Variants in MARCHF10 observed in about 807,000 individuals in gnomAD.
MARCHF10 encodes probable E3 ubiquitin-protein ligase MARCHF10.
Under a neutral mutation model 76.2 loss-of-function variants are expected in MARCHF10, and 64 were observed. The ratio of observed to expected loss-of-function variants is 0.84; its 90% CI spans 0.69 to 1.03. MARCHF10 has a LOEUF of 1.03. MARCHF10 is among the 50% of genes least tolerant of loss of function. The pLI is 0.00. For missense variants in MARCHF10, 875 were observed against 958.0 expected (o/e 0.91, Z 1.14); for synonymous variants, 340 against 357.5 (o/e 0.95, Z 0.55).
intron 3 of MARCHF10, among the ~76,000 whole-genome samples, chr17:62,785,271 G>A (rs564539370): frequency 6.6e-6 from 1 of 152,234 alleles, no homozygotes; most frequent in East Asian, 1.9e-4. Context: ...AATAAGAAAT[G>A]GGGAAATAAT....
chr17:62,793,586 C>T (rs549138098), intron 2 of MARCHF10, among the ~76,000 whole-genome samples: 1 of 138,074 alleles, frequency 7.2e-6, no homozygotes, highest in Non-Finnish European at 1.6e-5. Flanking sequence ...ACAACCATCA[C>T]CACCCACCAC....
intron 4 of MARCHF10, among the ~76,000 whole-genome samples, chr17:62,752,604 C>T (rs1368996821): frequency 6.6e-6 from 1 of 150,924 alleles, no homozygotes; most frequent in African/African-American, 2.5e-5. Flanking sequence ...TTAAATGGCC[C>T]TCAAGCCCAC....
At position 62,772,065 on chromosome 17, in the gene MARCHF10, G is replaced by A. The variant is rs1434761169; in HGVS notation, c.211-12059C>T. ...ACTTGGTGACGAATTCAGTGCGGGG[G>A]GAGATGGAGAGAAAATGTCCCATTC... On this transcript the variant is annotated intron_variant, in intron 3 of 10. Coordinates refer to ENST00000311269, the MANE Select transcript of MARCHF10 (RefSeq NM_152598.4). Among the ~76,000 whole-genome samples, 2 of 152,162 alleles carry A rather than the reference G, an allele frequency of 1.3e-5. 1 individual carries two copies. Among genetic ancestry groups the A allele is most frequent in the African/African-American group, 4.8e-5 (2 of 41,434 alleles).
intron 1 of MARCHF10, among the ~76,000 whole-genome samples, chr17:62,802,255 T>C (rs1037459359): frequency 2.6e-5 from 4 of 152,162 alleles, no homozygotes; most frequent in Admixed American, 2.6e-4. Context: ...AGTTTTGCAT[T>C]TGTTGCTCAG....
At chr17:62,727,653 C>T (rs2090827445) in intron 6 of MARCHF10, among the ~76,000 whole-genome samples, 1 of 152,168 alleles carries the variant, frequency 6.6e-6, no homozygotes, top group Non-Finnish European at 1.5e-5. Flanking sequence ...ACACAAATCT[C>T]TTAAAAGACC....
intron 4 of MARCHF10, among the ~76,000 whole-genome samples, chr17:62,753,811 C>G (rs931465624): frequency 2.6e-5 from 4 of 152,182 alleles, no homozygotes; most frequent in Admixed American, 2.6e-4. Flanking sequence ...ATCCTGCTCA[C>G]CCACCAGGCT....
intron 4 of MARCHF10, among the ~76,000 whole-genome samples, chr17:62,748,372 C>G (rs1446484790): frequency 6.6e-6 from 1 of 150,982 alleles, no homozygotes; most frequent in Non-Finnish European, 1.5e-5. Flanking sequence ...ACTCCAGCCT[C>G]CAGGCCGGGC....
chr17:62,719,467 C>G (rs1269317646), intron 8 of MARCHF10, among the ~76,000 whole-genome samples: 3 of 152,110 alleles, frequency 2.0e-5, no homozygotes, highest in East Asian at 3.8e-4. Flanking sequence ...TCTCTGTCTT[C>G]TTGCTTGCAT....
chr17:62,807,376 G>A lies in MARCHF10; in HGVS notation c.-18+701C>T, dbSNP rs2093178679. 2.0e-5 allele frequency among the ~76,000 whole-genome samples: 3 copies of A among 151,958 alleles called. No homozygotes were observed. The South Asian group carries it at 6.3e-4, about 32-fold the overall frequency. On this transcript the variant is annotated intron_variant, in intron 1 of 10. Transcript: ENST00000311269. ...TGGCTTAAGAGTTGGGGGCGGGGTG[G>A]AGGGTGGGGAACAGACTTGTGTTTG...
At chr17:62,793,474 A>AC (rs2092917794) in intron 2 of MARCHF10, among the ~76,000 whole-genome samples, 1 of 123,312 alleles carries the variant, frequency 8.1e-6, no homozygotes, top group Admixed American at 8.0e-5. Flanking sequence ...CACCACCACC[A>AC]TCACCACCAC....
chr17:62,704,300 C>T (rs1472061735), intron 10 of MARCHF10, among the ~76,000 whole-genome samples: 1 of 152,024 alleles, frequency 6.6e-6, no homozygotes, highest in Non-Finnish European at 1.5e-5. Context: ...CCTCGCAGCG[C>T]CCTTCCCGGC....
At chr17:62,782,345 CTTT>C (rs10676023) in intron 3 of MARCHF10, among the ~76,000 whole-genome samples, 1 of 107,022 alleles carries the variant, frequency 9.3e-6, no homozygotes. Context: ...AACAACTGTT[CTTT>C]TTTTTTTTTT....
chr17:62,780,994 C>T (rs2092648745), intron 3 of MARCHF10: 2 of 152,154 alleles, frequency 1.3e-5, no homozygotes, highest in South Asian at 2.1e-4. Context: ...GCGGTCTCGC[C>T]GGTGCCTGGG....
intron 3 of MARCHF10, among the ~76,000 whole-genome samples, chr17:62,765,212 C>A (rs1007841188): frequency 6.6e-6 from 1 of 151,776 alleles, no homozygotes; most frequent in East Asian, 1.9e-4. Context: ...ATTAGCTGGG[C>A]GTAGTGGCAT....
chr17:62,746,922 C>T, intron 4 of MARCHF10: 1 of 1,536,176 alleles, frequency 6.5e-7, no homozygotes. Context: ...CTGCACCAGC[C>T]AGAAGGTCCT....
intron 2 of MARCHF10, among the ~76,000 whole-genome samples, chr17:62,798,363 C>A (rs541027983): frequency 1.3e-5 from 2 of 151,358 alleles, no homozygotes; most frequent in East Asian, 3.9e-4. Context: ...GAGGCTCATG[C>A]CTATAATCCC....
intron 5 of MARCHF10, chr17:62,737,651 A>G: frequency 3.3e-6 from 1 of 303,100 alleles, no homozygotes; most frequent in Admixed American, 5.2e-5. Context: ...CCTCACACTA[A>G]ATACTGGCTT....
chr17:62,789,085 A>C (rs1401018988), intron 2 of MARCHF10, among the ~76,000 whole-genome samples: 3 of 150,864 alleles, frequency 2.0e-5, no homozygotes, highest in East Asian at 1.9e-4. Context: ...AAAAAAAAAA[A>C]AAAAAAAAAC....
At position 62,702,682 on chromosome 17, in the gene MARCHF10, A is replaced by G. The variant is rs189334993; in HGVS notation, c.2372-924T>C. ...CTCCATCTCAAAAAGAAAAATAAAA[A>G]AAGAAAAAAGAAAAGAAAGAAAGTT... On this transcript the variant is annotated intron_variant, in intron 10 of 10. Transcript: ENST00000311269. Among the ~76,000 whole-genome samples the G allele has an allele frequency of 3.9e-5, 6 of 152,222 alleles. No individual in the cohort carries two copies. In the East Asian group the frequency reaches 9.7e-4, roughly 25 times the overall value.
Sources: gnomAD v4.1 joint callset for allele counts (sites outside exome capture counted in the v4.1 genomes callset) on GRCh38, gnomAD v4.1.1 for gene constraint, MANE v1.5 for transcripts, NCBI Gene and HGNC (gene_info 2026-07-23, HGNC 2026-07-21) for gene names.